The following PDZRN4 variants were observed in gnomAD, a reference collection of about 807,000 sequenced individuals.
PDZRN4 encodes the protein PDZ domain-containing RING finger protein 4.
PDZRN4 carries 70 observed loss-of-function variants against 99.0 expected under a neutral mutation model. The ratio of observed to expected loss-of-function variants is 0.71; its 90% confidence interval spans 0.58 to 0.86. The LOEUF (loss-of-function observed/expected upper bound fraction) is 0.86, where lower values mean the gene tolerates loss of function less well. Among genes scored for constraint, PDZRN4 ranks in the 40% least tolerant of loss-of-function variants. The pLI, the probability that PDZRN4 is intolerant of heterozygous loss-of-function variation, is 0.00. For missense variants in PDZRN4, 1,474 were observed against 1,331.2 expected (o/e 1.11, Z -1.67); for synonymous variants, 551 against 501.6 (o/e 1.10, Z -1.32).
chr12:41,474,652 A>T (rs1953023440), intron 3 of PDZRN4, among the ~76,000 whole-genome samples: 1 of 152,192 alleles, frequency 6.6e-6, no homozygotes, highest in African/African-American at 2.4e-5. Flanking sequence ...ATCTATGCAA[A>T]GTGGCTTGCA....
chr12:41,472,853 A>T (rs1017809862), intron 3 of PDZRN4, among the ~76,000 whole-genome samples: 53 of 152,322 alleles, frequency 3.5e-4, no homozygotes, highest in African/African-American at 1.3e-3. Context: ...GAAACTAAGA[A>T]ATTGAACATC....
Position 41,345,226 on chromosome 12 carries a change from C to A in PDZRN4, c.843+151038C>A, listed in dbSNP as rs1951844983. On this transcript the variant is annotated intron_variant, in intron 3 of 9. Transcript: ENST00000402685. ...GAATGTTCTCATTATGTGTGGCGAG[C>A]AGTTAGTCAGTGATTGATGCTGCAT... 2.0e-5 allele frequency among the ~76,000 whole-genome samples: 3 copies of A among 152,282 alleles called. No individual in the cohort carries two copies. In the South Asian group the frequency reaches 6.2e-4, roughly 32 times the overall value.
At chr12:41,482,945 A>G (rs192409454) in intron 3 of PDZRN4, among the ~76,000 whole-genome samples, 18 of 152,134 alleles carry the variant, frequency 1.2e-4, no homozygotes, top group Admixed American at 3.9e-4. Context: ...CATTTTTAAT[A>G]TTATGCAATT....
chr12:41,514,958 G>A (rs779357667), intron 5 of PDZRN4, among the ~76,000 whole-genome samples: 1 of 152,048 alleles, frequency 6.6e-6, no homozygotes, highest in Non-Finnish European at 1.5e-5. Flanking sequence ...TAAAATCATA[G>A]AATCTCATAT....
At chr12:41,308,795 G>A (rs1443760975) in intron 3 of PDZRN4, among the ~76,000 whole-genome samples, 1 of 152,112 alleles carries the variant, frequency 6.6e-6, no homozygotes, top group African/African-American at 2.4e-5. Context: ...AGTTTACCCA[G>A]TGAAGTTAGA....
chr12:41,569,955 ACAAG>A (rs1171755804), intron 9 of PDZRN4, among the ~76,000 whole-genome samples: 1 of 152,146 alleles, frequency 6.6e-6, no homozygotes, highest in Non-Finnish European at 1.5e-5. Flanking sequence ...GCTGCTGGTT[ACAAG>A]CAAGAAAGTC....
At position 41,341,703 on chromosome 12, in the gene PDZRN4, C is replaced by T. The variant is rs537321710; in HGVS notation, c.843+147515C>T. ...CATTGATAGAAGAAATTGAAGAAAA[C>T]ACAAATAAATGAAAAGATAGATTTT... On this transcript the variant is annotated intron_variant, in intron 3 of 9. Coordinates refer to ENST00000402685, the MANE Select transcript of PDZRN4 (RefSeq NM_001164595.2). 2.9e-3 allele frequency among the ~76,000 whole-genome samples: 436 copies of T among 151,704 alleles called. 2 individuals are homozygous for T. Among genetic ancestry groups the T allele is most frequent in the African/African-American group, 9.6e-3 (400 of 41,474 alleles).
intron 3 of PDZRN4, among the ~76,000 whole-genome samples, chr12:41,206,542 A>AAGCTTAATT (rs555733676): frequency 0.015 from 2,207 of 150,808 alleles, 61 homozygotes; most frequent in African/African-American, 0.052. Flanking sequence ...ATTAATTAAT[A>AAGCTTAATT]AATTAATAAA....
At chr12:41,556,801 C>T (rs1222369041) in intron 7 of PDZRN4, among the ~76,000 whole-genome samples, 1 of 152,136 alleles carries the variant, frequency 6.6e-6, no homozygotes, top group East Asian at 1.9e-4. Flanking sequence ...CAGTTTCTAT[C>T]CTAAACCTGC....
intron 5 of PDZRN4, among the ~76,000 whole-genome samples, chr12:41,518,920 C>G (rs758256349): frequency 9.9e-5 from 15 of 151,934 alleles, no homozygotes; most frequent in Non-Finnish European, 2.2e-4. Context: ...TGTGCTCCAG[C>G]CTGGGTGACA....
rs372426248 is a variant in PDZRN4, at chr12:41,572,859, G to C, written c.2080G>C (p.Asp694His). ...GGCTCACAGGCTCCAGAAAGTGACAGACCAGTATGGAGACATCTGGACATT... is the reference window on the plus strand; with the variant it reads ...GGCTCACAGGCTCCAGAAAGTGACACACCAGTATGGAGACATCTGGACATT... Reference protein sequence around the residue: ...MQAHRLQKVTDQYGDIWTLHD... With the variant: ...MQAHRLQKVTHQYGDIWTLHD... The change falls in exon 10 of 10, where the codon GAC becomes CAC. Residue 694 changes from aspartate to histidine, a missense_variant. Physicochemically the swap from Asp to His is moderately conservative, Grantham distance 81. Coordinates refer to ENST00000402685, the MANE Select transcript of PDZRN4 (RefSeq NM_001164595.2). 29 of 1,613,990 alleles carry C rather than the reference G, an allele frequency of 1.8e-5. No homozygotes were observed. The highest frequency in any genetic ancestry group is 2.5e-5 in the Non-Finnish European group (29 of 1,180,014).
In PDZRN4 at chr12:41,189,079, C is replaced by T. The variant is rs375917865; in HGVS notation, c.624C>T (p.Gly208=). The change falls in exon 1 of 10, where the codon GGC becomes GGT. Residue 208 remains glycine (G), a synonymous_variant. Transcript: ENST00000402685. ...QYMAHVRNFV[G]DLGGGHRRDG... is the part of the protein sequence containing the mutation. ...TGGCTCACGTCCGCAACTTCGTCGG[C>T]GACCTCGGTGGCGGCCACCGCAGGG... is the stretch of plus-strand genomic sequence containing the variant. 7.6e-6 allele frequency: 12 copies of T among 1,581,208 alleles called. No homozygotes were observed. Among genetic ancestry groups the T allele is most frequent in the African/African-American group, 1.3e-5 (1 of 74,484 alleles).
At chr12:41,549,742 A>G (rs1018704706) in intron 5 of PDZRN4, among the ~76,000 whole-genome samples, 4 of 152,214 alleles carry the variant, frequency 2.6e-5, no homozygotes, top group African/African-American at 9.7e-5. Flanking sequence ...ATATTTATGT[A>G]TCAATTATTT....
intron 3 of PDZRN4, among the ~76,000 whole-genome samples, chr12:41,267,583 A>G (rs1951286784): frequency 6.6e-6 from 1 of 151,912 alleles, no homozygotes; most frequent in African/African-American, 2.4e-5. Context: ...TAATCCCAGC[A>G]CTTTGGGAGG....
intron 3 of PDZRN4, among the ~76,000 whole-genome samples, chr12:41,322,593 C>A (rs1232856988): frequency 6.8e-6 from 1 of 146,798 alleles, no homozygotes; most frequent in African/African-American, 2.5e-5. Flanking sequence ...CTGGTTCACG[C>A]CATTCTCCTG....
At chr12:41,544,814 C>A (rs1160402329) in intron 5 of PDZRN4, among the ~76,000 whole-genome samples, 1 of 152,082 alleles carries the variant, frequency 6.6e-6, no homozygotes, top group East Asian at 1.9e-4. Flanking sequence ...TGAGAAAGAG[C>A]AATATACTAT....
intron 5 of PDZRN4, among the ~76,000 whole-genome samples, chr12:41,543,473 A>T (rs1938896278): frequency 6.6e-6 from 1 of 152,220 alleles, no homozygotes; most frequent in Admixed American, 6.5e-5. Flanking sequence ...TAATACCTAC[A>T]AAAAGCAATT....
intron 5 of PDZRN4, among the ~76,000 whole-genome samples, chr12:41,547,083 TC>T (rs1938966144): frequency 6.6e-6 from 1 of 152,176 alleles, no homozygotes; most frequent in South Asian, 2.1e-4. Flanking sequence ...TCTGGATTCT[TC>T]CAAAGGTAAA....
At chr12:41,291,154 T>A (rs1951454391) in intron 3 of PDZRN4, among the ~76,000 whole-genome samples, 1 of 152,210 alleles carries the variant, frequency 6.6e-6, no homozygotes, top group East Asian at 1.9e-4. Flanking sequence ...ACAGATATAA[T>A]AAAAAGATAT....
Sources: allele counts gnomAD v4.1 joint callset (sites outside exome capture counted in the v4.1 genomes callset), GRCh38; gene constraint gnomAD v4.1.1; transcripts MANE v1.5; gene names NCBI Gene and HGNC (gene_info 2026-07-23, HGNC 2026-07-21).